TIAM2: variants seen among roughly 807,000 people sequenced by gnomAD.
TIAM2 encodes rho guanine nucleotide exchange factor TIAM2.
A neutral mutation model predicts 152.9 loss-of-function variants in TIAM2; 80 were observed. The observed-to-expected ratio is 0.52, with a 90% CI of 0.44 to 0.63. The LOEUF is 0.63. TIAM2 is among the 30% of genes least tolerant of loss of function. The probability of loss-of-function intolerance (pLI) is 0.00; values close to 1 mark genes in which losing one functional copy is unlikely to be tolerated. For synonymous variants in TIAM2, 804 were observed against 838.0 expected (o/e 0.96, Z 0.70); for missense variants, 1,965 against 2,120.1 (o/e 0.93, Z 1.44).
intron 14 of TIAM2, among the ~76,000 whole-genome samples, chr6:155,210,267 T>C (rs558409910): frequency 4.3e-4 from 65 of 152,094 alleles, no homozygotes; most frequent in Admixed American, 1.6e-3. Flanking sequence ...ATTTTCATTT[T>C]TATTATTTTT....
chr6:155,025,068 C>T (rs1481613594), intron 1 of TIAM2, among the ~76,000 whole-genome samples: 1 of 152,042 alleles, frequency 6.6e-6, no homozygotes, highest in Non-Finnish European at 1.5e-5. Context: ...GCTCTGTCAC[C>T]CAGGCTGGCG....
intron 1 of TIAM2, among the ~76,000 whole-genome samples, chr6:155,086,693 T>G (rs1167602643): frequency 2.4e-5 from 3 of 123,646 alleles, no homozygotes; most frequent in African/African-American, 3.2e-5. Context: ...GGCAACAGAG[T>G]GAGGCTCCAT....
chr6:155,089,420 T>G (rs970527877), intron 1 of TIAM2, among the ~76,000 whole-genome samples: 1 of 152,070 alleles, frequency 6.6e-6, no homozygotes, highest in African/African-American at 2.4e-5. Flanking sequence ...CTGGCCAGAG[T>G]GGTCTCAAAC....
chr6:155,252,211 G>A (rs1428864013), intron 23 of TIAM2, among the ~76,000 whole-genome samples: 3 of 152,162 alleles, frequency 2.0e-5, no homozygotes, highest in Non-Finnish European at 2.9e-5. Flanking sequence ...AGCTGGGCAC[G>A]GTGGCTCATG....
chr6:155,233,602 G>A (rs1176530540), intron 15 of TIAM2, among the ~76,000 whole-genome samples: 2 of 152,202 alleles, frequency 1.3e-5, no homozygotes, highest in Non-Finnish European at 2.9e-5. Flanking sequence ...GAGCTCTTGA[G>A]TGGGATGCTC....
At chr6:155,148,557 G>A (rs1779872468) in intron 7 of TIAM2, among the ~76,000 whole-genome samples, 1 of 152,120 alleles carries the variant, frequency 6.6e-6, no homozygotes, top group Non-Finnish European at 1.5e-5. Context: ...GCGGCTCTAT[G>A]TATATACTGA....
intron 2 of TIAM2, among the ~76,000 whole-genome samples, chr6:155,099,820 A>C (rs994083811): frequency 1.2e-4 from 19 of 152,242 alleles, no homozygotes; most frequent in Middle Eastern, 3.2e-3. Context: ...TGAACATCAT[A>C]GAGTGTACTT....
Position 155,140,585 on chromosome 6 carries a change from A to T in TIAM2, c.1630+2973A>T, listed in dbSNP as rs1452341793. Among the ~76,000 whole-genome samples the T allele has an allele frequency of 3.0e-3, 435 of 144,210 alleles. 2 individuals are homozygous for T. The highest frequency in any genetic ancestry group is 8.9e-3 in the African/African-American group (318 of 35,802). The allele number at this position is 144,210 out of a possible 152,430, so 94.6% of individuals were successfully genotyped here. ...GTGTGTGTGTGTGTGAGAGAGAGAG[A>T]GAGAGAGAGAGAGAGAGAGAGAGAG... On this transcript the variant is annotated intron_variant, in intron 5 of 26. Transcript: ENST00000682666.
At chr6:155,026,972 G>A (rs887117448) in intron 1 of TIAM2, among the ~76,000 whole-genome samples, 2 of 152,136 alleles carry the variant, frequency 1.3e-5, no homozygotes, top group African/African-American at 4.8e-5. Flanking sequence ...TATTCTGCAT[G>A]TCCATATAAT....
rs532975268 is a variant in TIAM2, at chr6:155,137,531, C to T, written c.1549C>T (p.Pro517Ser). Residue 517 changes from proline (P) to serine (S), a missense_variant, in exon 5 of 27, where the codon CCC (proline) becomes TCC (serine). Pro to Ser is a moderately conservative substitution (Grantham distance 74). This residue lies in a region of TIAM2 where 1,025 missense variants were observed against 1,119.4 expected (regional missense o/e 0.92). Coordinates refer to ENST00000682666, the MANE Select transcript of TIAM2 (RefSeq NM_012454.4). ...GAAGGCCGGGTGGCTCTTCTTCAAG[C>T]CCCTGGTCACTGTGCAGAAGGAAAG... The part of the protein sequence containing the change: ...VRKAGWLFFK[P>S]LVTVQKERKL... The T allele has an allele frequency of 1.1e-5, 17 of 1,613,856 alleles. No homozygotes were observed. The Admixed American group carries it at 2.5e-4, about 24-fold the overall frequency.
Position 155,028,352 on chromosome 6 carries a change from T to C in TIAM2, c.-209+32860T>C, listed in dbSNP as rs1038883672. ...TACATATAATATATACTGTGTTACATATATACTACATATAATATATATACT... is the reference window on the plus strand; with the variant it reads ...TACATATAATATATACTGTGTTACACATATACTACATATAATATATATACT... On this transcript the variant is annotated intron_variant, in intron 1 of 26. Transcript: ENST00000682666. Among the ~76,000 whole-genome samples the C allele has an allele frequency of 4.7e-5, 6 of 127,530 alleles. 1 individual carries two copies. Among genetic ancestry groups the C allele is most frequent in the Non-Finnish European group, 9.6e-5 (6 of 62,650 alleles). The allele number at this position is 127,530 out of a possible 152,430, so 83.7% of individuals were successfully genotyped here. A position where few individuals can be genotyped will look rare whatever the true frequency, so the allele number is the denominator to read the frequency against.
chr6:155,002,460 T>C (rs1778328977), intron 1 of TIAM2, among the ~76,000 whole-genome samples: 1 of 152,226 alleles, frequency 6.6e-6, no homozygotes, highest in Middle Eastern at 3.4e-3. Context: ...CCTGACGAAA[T>C]GAGAAAGTTC....
chr6:155,099,353 G>A (rs1233882887), intron 2 of TIAM2, among the ~76,000 whole-genome samples: 2 of 151,924 alleles, frequency 1.3e-5, no homozygotes, highest in Non-Finnish European at 2.9e-5. Flanking sequence ...GTTTATATTA[G>A]GGAATTTAGA....
chr6:155,001,219 C>A (rs1252754815), intron 1 of TIAM2, among the ~76,000 whole-genome samples: 1 of 152,056 alleles, frequency 6.6e-6, no homozygotes, highest in Admixed American at 6.5e-5. Context: ...AAGGATGACA[C>A]CCAGGCTGCT....
intron 7 of TIAM2, among the ~76,000 whole-genome samples, chr6:155,151,116 G>T (rs111683782): frequency 1.3e-4 from 20 of 152,300 alleles, no homozygotes; most frequent in African/African-American, 4.8e-4. Flanking sequence ...GAATGTTGAG[G>T]CTGAAGCATT....
Position 155,179,143 on chromosome 6 carries a change from G to T in TIAM2, c.2628G>T (p.Gln876His), listed in dbSNP as rs200288467. 73 of 1,610,296 alleles carry T rather than the reference G, an allele frequency of 4.5e-5. No homozygotes were observed. Among genetic ancestry groups the T allele is most frequent in the Non-Finnish European group, 6.8e-6 (8 of 1,177,440 alleles). Reference protein sequence around the residue: ...IPAPYEYMQQQVYDEIEVFPL... With the variant: ...IPAPYEYMQQHVYDEIEVFPL... ...CACCATATGAATATATGCAACAACA[G>T]GTAAGTGTGCACTAGCTTTAGGAAG... The change falls in exon 11 of 27, where the codon CAG becomes CAT. Residue 876 changes from glutamine to histidine, a missense_variant and splice_region_variant. Gln to His is a conservative substitution (Grantham distance 24, BLOSUM62 0). Transcript: ENST00000682666.
chr6:155,095,945 G>A (rs576504117), intron 2 of TIAM2, among the ~76,000 whole-genome samples: 1 of 152,244 alleles, frequency 6.6e-6, no homozygotes, highest in African/African-American at 2.4e-5. Context: ...GATTTTACAA[G>A]CATATTTCCT....
intron 14 of TIAM2, among the ~76,000 whole-genome samples, chr6:155,205,944 C>T (rs915758226): frequency 6.6e-6 from 1 of 152,214 alleles, no homozygotes; most frequent in Non-Finnish European, 1.5e-5. Context: ...GTGGGTGAGA[C>T]AACCTTAACT....
At chr6:155,225,295 G>T (rs577987398) in intron 15 of TIAM2, among the ~76,000 whole-genome samples, 1 of 152,226 alleles carries the variant, frequency 6.6e-6, no homozygotes, top group South Asian at 2.1e-4. Context: ...GTTCATTCAG[G>T]CATAGATAAA....
Sources: gnomAD v4.1 joint callset for allele counts (sites outside exome capture counted in the v4.1 genomes callset) on GRCh38, gnomAD v4.1.1 for gene constraint, gnomAD v4.1.1 regional missense constraint, MANE v1.5 for transcripts, NCBI Gene and HGNC (gene_info 2026-07-23, HGNC 2026-07-21) for gene names.